Variants in MAP3K13 observed in about 807,000 individuals in gnomAD.
MAP3K13 encodes leucine zipper-bearing kinase.
In MAP3K13, 52 loss-of-function variants were observed where a neutral mutation model predicts 104.0. The observed-to-expected ratio is 0.50, with a 90% confidence interval of 0.40 to 0.63. MAP3K13 has a LOEUF of 0.63. Among genes scored for constraint, MAP3K13 ranks in the 20% least tolerant of loss-of-function variants. The pLI is 0.00. For synonymous variants in MAP3K13, 394 were observed against 442.2 expected (o/e 0.89, Z 1.37); for missense variants, 914 against 1,218.5 (o/e 0.75, Z 3.72).
intron 7 of MAP3K13, among the ~76,000 whole-genome samples, chr3:185,455,788 T>A (rs189668071): frequency 2.4e-4 from 18 of 74,530 alleles, no homozygotes; most frequent in African/African-American, 7.9e-4. Flanking sequence ...ATATATGAGA[T>A]ATATATATGA....
chr3:185,409,081 C>T (rs1043499669), intron 1 of MAP3K13, among the ~76,000 whole-genome samples: 11 of 152,218 alleles, frequency 7.2e-5, no homozygotes, highest in African/African-American at 2.7e-4. Flanking sequence ...GAATTGCAGA[C>T]TGGAGGCCAG....
At chr3:185,286,872 A>C (rs1226512672) in intron 2 of MAP3K13, among the ~76,000 whole-genome samples, 1 of 150,576 alleles carries the variant, frequency 6.6e-6, no homozygotes, top group East Asian at 1.9e-4. Flanking sequence ...TTTTTTTTTT[A>C]CTATGAGCAT....
intron 10 of MAP3K13, among the ~76,000 whole-genome samples, chr3:185,469,704 A>C (rs1717665217): frequency 6.6e-6 from 1 of 152,142 alleles, no homozygotes; most frequent in South Asian, 2.1e-4. Context: ...GTGTGGCCTC[A>C]CTTTAGCATC....
At chr3:185,457,934 G>A (rs1229450785) in intron 7 of MAP3K13, among the ~76,000 whole-genome samples, 1 of 152,130 alleles carries the variant, frequency 6.6e-6, no homozygotes, top group Non-Finnish European at 1.5e-5. Context: ...AAGTCACTCA[G>A]TTACACTAAA....
intron 2 of MAP3K13, among the ~76,000 whole-genome samples, chr3:185,335,665 T>A (rs1440713507): frequency 6.6e-6 from 1 of 152,232 alleles, no homozygotes; most frequent in Non-Finnish European, 1.5e-5. Context: ...CCTATGCACA[T>A]CCTCTCATAT....
intron 1 of MAP3K13, among the ~76,000 whole-genome samples, chr3:185,283,389 T>C (rs1296948392): frequency 1.3e-5 from 2 of 152,246 alleles, no homozygotes; most frequent in African/African-American, 2.4e-5. Flanking sequence ...GTTCTGCTAA[T>C]AGGGGACAGG....
chr3:185,383,304 G>A (rs1042999810), intron 1 of MAP3K13, among the ~76,000 whole-genome samples: 4 of 151,898 alleles, frequency 2.6e-5, no homozygotes, highest in African/African-American at 9.7e-5. Flanking sequence ...GCTATTGTGA[G>A]TAATGCCACA....
At chr3:185,287,510 C>T (rs1017925238) in intron 2 of MAP3K13, among the ~76,000 whole-genome samples, 2 of 151,924 alleles carry the variant, frequency 1.3e-5, no homozygotes, top group African/African-American at 2.4e-5. Flanking sequence ...ACTTTTACTT[C>T]GATAATCATT....
intron 2 of MAP3K13, among the ~76,000 whole-genome samples, chr3:185,290,099 A>G (rs572332987): frequency 8.3e-4 from 126 of 152,342 alleles, no homozygotes; most frequent in African/African-American, 2.9e-3. Flanking sequence ...CATTATTACC[A>G]TAAAGCTTAC....
At chr3:185,406,530 TGTAACC>T (rs1308538863) in intron 1 of MAP3K13, among the ~76,000 whole-genome samples, 1 of 152,220 alleles carries the variant, frequency 6.6e-6, no homozygotes, top group Non-Finnish European at 1.5e-5. Flanking sequence ...TGAGCTTGTC[TGTAACC>T]ACAGCCAAGC....
chr3:185,301,291 G>A (rs1577404983), intron 2 of MAP3K13, among the ~76,000 whole-genome samples: 1 of 148,342 alleles, frequency 6.7e-6, no homozygotes, highest in African/African-American at 2.4e-5. Context: ...TGTCTGTCAA[G>A]TTCTTTGCCC....
rs1422111214 is a variant in MAP3K13 at position 185,418,610 on chromosome 3, A to C, written c.-85-9887A>C. The C allele has an allele frequency of 3.7e-6, 6 of 1,612,152 alleles. No homozygotes were observed. The African/African-American group carries it at 6.7e-5, about 18-fold the overall frequency. ...TCAGCACTGGTCTGATGACCTGCTAATTCACTGGCAGCGTAGGGCTGTCTG... is the reference window on the plus strand; with the variant it reads ...TCAGCACTGGTCTGATGACCTGCTACTTCACTGGCAGCGTAGGGCTGTCTG... On this transcript the variant is annotated intron_variant, in intron 1 of 13. Transcript: ENST00000265026. The surrounding 1 kb of genome is among the most constrained non-coding windows in gnomAD (Gnocchi z 4.5).
intron 2 of MAP3K13, chr3:185,328,883 G>A (rs1446384706): frequency 1.6e-5 from 4 of 248,700 alleles, no homozygotes; most frequent in Non-Finnish European, 3.2e-5. Context: ...AGCCAGGAAG[G>A]GAGCAAAGTT....
intron 2 of MAP3K13, among the ~76,000 whole-genome samples, chr3:185,327,544 G>A (rs1407170861): frequency 6.6e-6 from 1 of 152,120 alleles, no homozygotes; most frequent in Non-Finnish European, 1.5e-5. Context: ...GCCTGGGAGA[G>A]AATAAAATAA....
chr3:185,287,330 T>A (rs547037123), intron 2 of MAP3K13, among the ~76,000 whole-genome samples: 49 of 152,362 alleles, frequency 3.2e-4, no homozygotes, highest in Non-Finnish European at 6.3e-4. Context: ...TCTTATTATT[T>A]TACTTTGTTC....
intron 1 of MAP3K13, among the ~76,000 whole-genome samples, chr3:185,385,232 C>A (rs1166999256): frequency 6.6e-6 from 1 of 152,130 alleles, no homozygotes; most frequent in Non-Finnish European, 1.5e-5. Flanking sequence ...CTCACTGCAA[C>A]CTCTGCCTCC....
At chr3:185,297,144 A>G (rs1051630991) in intron 2 of MAP3K13, among the ~76,000 whole-genome samples, 1 of 152,232 alleles carries the variant, frequency 6.6e-6, no homozygotes, top group Non-Finnish European at 1.5e-5. Flanking sequence ...CTTCTAAAAA[A>G]AAACTTGCTT....
In MAP3K13 at chr3:185,328,010, G is replaced by C. The variant is rs151135378; in HGVS notation, c.-86+42367G>C. Reference sequence around the variant, plus strand: ...AGGGGGAAGGAGGGAGGGAAGGAAGGAAGGAAGGAATAAAATAAAGAAATA... The same window carrying C: ...AGGGGGAAGGAGGGAGGGAAGGAAGCAAGGAAGGAATAAAATAAAGAAATA... On this transcript the variant is annotated intron_variant, in intron 2 of 14. Transcript: ENST00000424227. Among the ~76,000 whole-genome samples, 680 of 151,752 alleles carry C rather than the reference G, an allele frequency of 4.5e-3. 4 individuals are homozygous for C. The highest frequency in any genetic ancestry group is 0.015 in the African/African-American group (640 of 41,380).
intron 11 of MAP3K13, among the ~76,000 whole-genome samples, chr3:185,474,171 C>T (rs149462518): frequency 1.3e-5 from 2 of 152,050 alleles, no homozygotes; most frequent in East Asian, 3.9e-4. Flanking sequence ...AAAAAAAATA[C>T]AAAAATTAGC....
Sources: gnomAD v4.1 joint callset for allele counts (sites outside exome capture counted in the v4.1 genomes callset) on GRCh38, gnomAD v4.1.1 for gene constraint, Gnocchi (gnomAD v3.1) non-coding constraint, MANE v1.5 for transcripts, NCBI Gene and HGNC (gene_info 2026-07-23, HGNC 2026-07-21) for gene names.